Variants in SCGB2B2 observed in about 807,000 individuals in gnomAD.
SCGB2B2 encodes secretoglobin family 2B member 2, also known as secretoglobin-like protein.
SCGB2B2 carries 11 observed loss-of-function variants against 7.6 expected under a neutral mutation model. That is an observed-to-expected ratio of 1.45 (90% CI 0.91 to 2.40). SCGB2B2 has a LOEUF of 2.40. SCGB2B2 is among the 30% of genes most tolerant of loss of function. The pLI, the probability that SCGB2B2 is intolerant of heterozygous loss-of-function variation, is 0.00. For missense variants in SCGB2B2, 104 were observed against 115.4 expected (o/e 0.90, Z 0.45); for synonymous variants, 50 against 48.6 (o/e 1.03, Z -0.12).
intron 1 of SCGB2B2, among the ~76,000 whole-genome samples, chr19:34,659,693 C>T (rs1404083156): frequency 3.8e-4 from 58 of 151,112 alleles, no homozygotes; most frequent in Admixed American, 3.6e-3. Flanking sequence ...GAATCAATAT[C>T]GTGAAAATGG....
chr19:34,614,817 T>A (rs1044103211), intron 1 of SCGB2B2, among the ~76,000 whole-genome samples: 3 of 152,224 alleles, frequency 2.0e-5, no homozygotes, highest in Non-Finnish European at 4.4e-5. Context: ...AAGAAATTGG[T>A]GACTGTTTCC....
rs966791956 is a variant in SCGB2B2 at position 34,596,055 on chromosome 19, T to C, written c.-1492A>G. 1.3e-5 allele frequency: 2 copies of C among 152,396 alleles called. No homozygotes were observed. The highest frequency in any genetic ancestry group is 2.9e-5 in the Non-Finnish European group (2 of 68,194). 9.4% of individuals were successfully genotyped at this position (152,396 alleles called of 1,614,324 possible). A position where few individuals can be genotyped will look rare whatever the true frequency, so the allele number is the denominator to read the frequency against. On this transcript the variant is annotated 5_prime_UTR_variant, in exon 2 of 4. The change abolishes an upstream ATG in the 5' untranslated region. Transcript: ENST00000601241. ...TGAGTGGGCTCACCTCGGCCAGGCA[T>C]GAGCCATCACTGTGCACGTACAGAA...
intron 1 of SCGB2B2, among the ~76,000 whole-genome samples, chr19:34,664,331 A>G (rs2067550774): frequency 6.6e-6 from 1 of 152,138 alleles, no homozygotes; most frequent in South Asian, 2.1e-4. Context: ...GGTGCCCAGA[A>G]ATCCCAACAG....
downstream of SCGB2B2, among the ~76,000 whole-genome samples, chr19:34,588,525 A>C (rs1461854427): frequency 6.6e-6 from 1 of 152,184 alleles, no homozygotes; most frequent in East Asian, 1.9e-4. Flanking sequence ...GAAGATCCCT[A>C]ACCTGCATAG....
At chr19:34,648,081 G>T (rs191943314) in intron 1 of SCGB2B2, among the ~76,000 whole-genome samples, 5 of 152,304 alleles carry the variant, frequency 3.3e-5, no homozygotes, top group African/African-American at 7.2e-5. Context: ...GAAGCCTGGG[G>T]AGAAGCAGGT....
chr19:34,601,870 C>G (rs1162656661), intron 1 of SCGB2B2, among the ~76,000 whole-genome samples: 4 of 152,066 alleles, frequency 2.6e-5, no homozygotes, highest in South Asian at 4.1e-4. Context: ...TGTTTAGTAT[C>G]TGAACCCAAG....
At chr19:34,626,769 T>C (rs1402582878) in intron 1 of SCGB2B2, among the ~76,000 whole-genome samples, 2 of 152,084 alleles carry the variant, frequency 1.3e-5, no homozygotes, top group Middle Eastern at 3.2e-3. Context: ...ACCACAAAGA[T>C]ACTCCTCGAG....
chr19:34,662,189 T>C (rs959042907), intron 1 of SCGB2B2, among the ~76,000 whole-genome samples: 3 of 152,062 alleles, frequency 2.0e-5, no homozygotes, highest in African/African-American at 7.3e-5. Flanking sequence ...CATGTTAGTG[T>C]ATTTTATGTG....
intron 1 of SCGB2B2, among the ~76,000 whole-genome samples, chr19:34,613,551 T>C (rs1359243114): frequency 6.6e-6 from 1 of 152,266 alleles, no homozygotes; most frequent in Non-Finnish European, 1.5e-5. Flanking sequence ...GAGTTATTGA[T>C]AAGTGAGGAC....
chr19:34,643,191 A>T (rs181679263), intron 1 of SCGB2B2, among the ~76,000 whole-genome samples: 203 of 152,336 alleles, frequency 1.3e-3, no homozygotes, highest in African/African-American at 4.7e-3. Context: ...GGATAAAGAA[A>T]ATGTGGTACA....
At chr19:34,640,508 G>A (rs1021658966) in intron 1 of SCGB2B2, 4 of 152,112 alleles carry the variant, frequency 2.6e-5, no homozygotes, top group Non-Finnish European at 5.9e-5. Flanking sequence ...ACTATGGAAA[G>A]CTTAATTTAA....
chr19:34,595,569 A>T lies in SCGB2B2; in HGVS notation c.-1006T>A, dbSNP rs1306529115. The T allele has an allele frequency of 6.6e-6, 1 of 152,430 alleles. No homozygotes were observed. Among genetic ancestry groups the T allele is most frequent in the East Asian group, 1.9e-4 (1 of 5,204 alleles). The allele number at this position is 152,430 out of a possible 1,614,324, so 9.4% of individuals were successfully genotyped here. A position where few individuals can be genotyped will look rare whatever the true frequency, so the allele number is the denominator to read the frequency against. On this transcript the variant is annotated 5_prime_UTR_variant, in exon 2 of 4. Coordinates refer to ENST00000601241, the MANE Select transcript of SCGB2B2 (RefSeq NM_001025591.4). ...CTTTCTCCCTGAGCACAGTGTTTACAGAGAAGACAGCGGGTCTTGCTCTGA... is the reference window on the plus strand; with the variant it reads ...CTTTCTCCCTGAGCACAGTGTTTACTGAGAAGACAGCGGGTCTTGCTCTGA...
At chr19:34,590,334 C>A (rs2065268391), downstream of SCGB2B2, among the ~76,000 whole-genome samples, 1 of 152,112 alleles carries the variant, frequency 6.6e-6, no homozygotes, top group South Asian at 2.1e-4. Context: ...ATTCTATTTT[C>A]CATCCATCCA....
intron 1 of SCGB2B2, among the ~76,000 whole-genome samples, chr19:34,668,624 C>A (rs906303581): frequency 6.6e-6 from 1 of 152,230 alleles, no homozygotes; most frequent in African/African-American, 2.4e-5. Flanking sequence ...CTGGTGGGGA[C>A]TTGGAGAACC....
In SCGB2B2 at chr19:34,593,281, ATGC is replaced by A; in HGVS notation, c.*271_*273del. The A allele has an allele frequency of 2.6e-6, 1 of 390,636 alleles. No individual in the cohort carries two copies. The highest frequency in any genetic ancestry group is 5.0e-5 in the South Asian group (1 of 19,970). The allele number at this position is 390,636 out of a possible 1,614,324, so 24.2% of individuals were successfully genotyped here. A position where few individuals can be genotyped will look rare whatever the true frequency, so the allele number is the denominator to read the frequency against. On this transcript the variant is annotated 3_prime_UTR_variant, in exon 4 of 4. Transcript: ENST00000601241. Reference sequence around the variant, plus strand: ...GCTGCAGTGAGCCAAGATCGCGCCAATGCACTCCAGCCACCCTCCTCCCCGCCA... The same window carrying A: ...GCTGCAGTGAGCCAAGATCGCGCCAAACTCCAGCCACCCTCCTCCCCGCCA...
chr19:34,649,864 T>C (rs2067118920), intron 1 of SCGB2B2, among the ~76,000 whole-genome samples: 1 of 151,096 alleles, frequency 6.6e-6, no homozygotes, highest in African/African-American at 2.5e-5. Context: ...TTCCACTCTG[T>C]TGTGCCCCAA....
chr19:34,663,926 G>A (rs1430321054), intron 1 of SCGB2B2, among the ~76,000 whole-genome samples: 1 of 152,074 alleles, frequency 6.6e-6, no homozygotes, highest in Non-Finnish European at 1.5e-5. Flanking sequence ...CTGCACCCGT[G>A]TAACCTGCCT....
intron 1 of SCGB2B2, among the ~76,000 whole-genome samples, chr19:34,648,925 C>G (rs935009986): frequency 2.0e-5 from 3 of 151,840 alleles, no homozygotes; most frequent in African/African-American, 7.3e-5. Flanking sequence ...TATTTTGAGA[C>G]GGAGTCTTGC....
intron 1 of SCGB2B2, chr19:34,640,304 T>TC (rs1450696171): frequency 6.6e-6 from 1 of 151,676 alleles, no homozygotes; most frequent in Non-Finnish European, 1.5e-5. Context: ...AGAGACAGGG[T>TC]CTCCCTATGT....
Sources: gnomAD v4.1 joint callset for allele counts (sites outside exome capture counted in the v4.1 genomes callset) on GRCh38, gnomAD v4.1.1 for gene constraint, MANE v1.5 for transcripts, NCBI Gene and HGNC (gene_info 2026-07-23, HGNC 2026-07-21) for gene names.